The following SPOCK3 variants were observed in gnomAD, a reference collection of about 807,000 sequenced individuals.
SPOCK3 encodes SPARC (osteonectin), cwcv and kazal like domains proteoglycan 3.
Under a neutral mutation model 56.6 loss-of-function variants are expected in SPOCK3, and 30 were observed. The ratio of observed to expected loss-of-function variants is 0.53; its 90% confidence interval spans 0.40 to 0.72. SPOCK3 has a LOEUF of 0.72. Ranked by LOEUF, SPOCK3 falls within the 30% of genes least tolerant of loss-of-function variation. The probability of loss-of-function intolerance (pLI) is 0.00; values close to 1 mark genes in which losing one functional copy is unlikely to be tolerated. For synonymous variants in SPOCK3, 196 were observed against 183.3 expected (o/e 1.07, Z -0.56); for missense variants, 527 against 530.0 (o/e 0.99, Z 0.06).
At chr4:167,074,221 G>T (rs1323329082) in intron 2 of SPOCK3, among the ~76,000 whole-genome samples, 2 of 151,894 alleles carry the variant, frequency 1.3e-5, no homozygotes, top group African/African-American at 4.8e-5. Flanking sequence ...TTTATCACTT[G>T]TGTATAGCTA....
At chr4:167,230,453 G>A (rs1299870883) in intron 2 of SPOCK3, among the ~76,000 whole-genome samples, 2 of 146,106 alleles carry the variant, frequency 1.4e-5, no homozygotes, top group South Asian at 2.1e-4. Flanking sequence ...TTCCCACTGA[G>A]GAATCTTGTG....
intron 2 of SPOCK3, among the ~76,000 whole-genome samples, chr4:167,181,951 A>G (rs1184916286): frequency 6.6e-6 from 1 of 152,130 alleles, no homozygotes; most frequent in East Asian, 1.9e-4. Flanking sequence ...CACCCAGCAC[A>G]TGTGATAAGA....
chr4:166,832,249 T>A (rs548964017), intron 6 of SPOCK3, among the ~76,000 whole-genome samples: 1 of 152,254 alleles, frequency 6.6e-6, no homozygotes, highest in South Asian at 2.1e-4. Flanking sequence ...GATCTTGAGT[T>A]AATTTTTGTA....
chr4:166,799,403 T>G (rs1476531815), intron 6 of SPOCK3, among the ~76,000 whole-genome samples: 1 of 152,160 alleles, frequency 6.6e-6, no homozygotes, highest in Non-Finnish European at 1.5e-5. Flanking sequence ...AACAGCAGCT[T>G]TGAAGGCCGA....
At chr4:167,028,759 A>C (rs1173486667) in intron 3 of SPOCK3, among the ~76,000 whole-genome samples, 2 of 152,080 alleles carry the variant, frequency 1.3e-5, no homozygotes, top group Non-Finnish European at 2.9e-5. Context: ...GATAGGAACA[A>C]CATACAGTTT....
At chr4:166,802,243 C>T in intron 6 of SPOCK3, among the ~76,000 whole-genome samples, 1 of 152,042 alleles carries the variant, frequency 6.6e-6, no homozygotes. Context: ...TGAATAAAGA[C>T]TTTGTGAGAA....
intron 5 of SPOCK3, among the ~76,000 whole-genome samples, chr4:166,897,181 G>A (rs1004059767): frequency 5.3e-5 from 8 of 152,036 alleles, no homozygotes; most frequent in East Asian, 3.9e-4. Flanking sequence ...AATTCTCTCC[G>A]CCATTTTCTA....
intron 2 of SPOCK3, among the ~76,000 whole-genome samples, chr4:167,085,107 C>A (rs1204342829): frequency 2.0e-5 from 3 of 149,250 alleles, no homozygotes; most frequent in African/African-American, 7.4e-5. Context: ...TTCAGGCAAG[C>A]AAAATGTTGG....
chr4:167,099,167 T>A (rs1377056393), intron 2 of SPOCK3, among the ~76,000 whole-genome samples: 1 of 151,968 alleles, frequency 6.6e-6, no homozygotes, highest in Non-Finnish European at 1.5e-5. Context: ...ATACTTTTTA[T>A]AGTTAATATA....
chr4:167,107,035 C>G (rs1208268441), intron 2 of SPOCK3, among the ~76,000 whole-genome samples: 2 of 151,734 alleles, frequency 1.3e-5, no homozygotes, highest in Non-Finnish European at 2.9e-5. Context: ...AAAATAGATG[C>G]CCAGGACCCA....
chr4:167,006,984 T>C (rs905024446), intron 3 of SPOCK3, among the ~76,000 whole-genome samples: 3 of 152,168 alleles, frequency 2.0e-5, no homozygotes, highest in Admixed American at 6.6e-5. Flanking sequence ...TTCCTTTCCA[T>C]GGAGATGTAC....
chr4:167,224,848 G>A (rs1343292195), intron 2 of SPOCK3, among the ~76,000 whole-genome samples: 2 of 151,968 alleles, frequency 1.3e-5, no homozygotes, highest in East Asian at 1.9e-4. Context: ...TGTGTATTTA[G>A]GAGAGATGGG....
At chr4:167,111,310 A>G (rs771866782) in intron 2 of SPOCK3, among the ~76,000 whole-genome samples, 12 of 152,092 alleles carry the variant, frequency 7.9e-5, no homozygotes, top group Non-Finnish European at 1.5e-4. Context: ...ATATTTTGCA[A>G]TTGCAGCACA....
At chr4:166,801,323 A>G (rs1007796098) in intron 6 of SPOCK3, among the ~76,000 whole-genome samples, 1 of 151,996 alleles carries the variant, frequency 6.6e-6, no homozygotes, top group African/African-American at 2.4e-5. Context: ...AACAATTTCT[A>G]TTGTTTTAAG....
intron 2 of SPOCK3, among the ~76,000 whole-genome samples, chr4:167,087,668 G>A (rs1326088827): frequency 1.3e-5 from 2 of 152,018 alleles, no homozygotes; most frequent in Non-Finnish European, 2.9e-5. Flanking sequence ...GCAGTAAATC[G>A]CCTAAAGTTA....
intron 2 of SPOCK3, among the ~76,000 whole-genome samples, chr4:167,220,420 C>T (rs1179631516): frequency 2.1e-5 from 3 of 141,672 alleles, no homozygotes; most frequent in Non-Finnish European, 3.0e-5. Flanking sequence ...ACTGTGCCAT[C>T]CAGGCTGCAG....
chr4:166,983,974 C>T (rs750915607), intron 4 of SPOCK3, among the ~76,000 whole-genome samples: 2 of 151,968 alleles, frequency 1.3e-5, no homozygotes, highest in Non-Finnish European at 2.9e-5. Flanking sequence ...GACCATGCAT[C>T]ACGGAAATAC....
chr4:166,800,638 A>G (rs1742482697), intron 6 of SPOCK3, among the ~76,000 whole-genome samples: 1 of 152,236 alleles, frequency 6.6e-6, no homozygotes, highest in African/African-American at 2.4e-5. Flanking sequence ...GTACAAAGAT[A>G]TAACAAAAGT....
intron 4 of SPOCK3, among the ~76,000 whole-genome samples, chr4:166,935,824 A>C: frequency 6.6e-6 from 1 of 152,208 alleles, no homozygotes; most frequent in East Asian, 1.9e-4. Context: ...ATAGCAGTGG[A>C]GGTGATGAGA....
Sources: allele counts gnomAD v4.1 joint callset (sites outside exome capture counted in the v4.1 genomes callset), GRCh38; gene constraint gnomAD v4.1.1; transcripts MANE v1.5; gene names NCBI Gene and HGNC (gene_info 2026-07-23, HGNC 2026-07-21).